Variants in IL36G observed in about 807,000 individuals in gnomAD.
IL36G encodes interleukin 36 gamma, also known as interleukin-36 gamma.
A neutral mutation model predicts 13.5 loss-of-function variants in IL36G; 10 were observed. The observed-to-expected ratio is 0.74, with a 90% CI of 0.46 to 1.26. IL36G has a LOEUF of 1.26. IL36G is among the 50% of genes most tolerant of loss of function. The pLI, the probability that IL36G is intolerant of heterozygous loss-of-function variation, is 0.00. For missense variants in IL36G, 199 were observed against 203.0 expected, an observed-to-expected ratio of 0.98 and a Z score of 0.12; for synonymous variants, 84 against 74.0, an observed-to-expected ratio of 1.13 and a Z score of -0.69.
Position 112,984,986 on chromosome 2 carries a change from C to A in IL36G, c.447C>A (p.Ile149=). 1.9e-6 allele frequency: 3 copies of A among 1,614,120 alleles called. No individual in the cohort carries two copies. The highest frequency in any genetic ancestry group is 1.6e-4 in the Middle Eastern group (1 of 6,062). The part of the protein sequence containing the change: ...FIASSKRDQP[I]ILTSELGKSY... ...CCTCCTCCAAGAGAGACCAGCCCAT[C>A]ATTCTGACTTCAGAACTTGGGAAGT... The change falls in exon 5 of 5, where the codon ATC becomes ATA. Residue 149 remains isoleucine, a synonymous_variant. Transcript: ENST00000259205.
Position 112,979,312 on chromosome 2 carries a change from C to T in IL36G, c.147C>T (p.Asp49=). 1.2e-6 allele frequency: 2 copies of T among 1,606,326 alleles called. No homozygotes were observed. The highest frequency in any genetic ancestry group is 1.7e-6 in the Non-Finnish European group (2 of 1,172,834). ...GQNLVAVPRS[D]SVTPVTVAVI... is the part of the protein sequence containing the mutation. The stretch of plus-strand genomic sequence containing the variant: ...ACCTTGTGGCAGTTCCACGAAGTGA[C>T]AGTGTGACCCCAGGTGAGTGGTCAC... Residue 49 remains aspartate (D), a synonymous_variant, in exon 3 of 5, where the codon GAC becomes GAT. Coordinates refer to ENST00000259205, the MANE Select transcript of IL36G (RefSeq NM_019618.4).
At chr2:112,983,406 C>T (rs535549720) in intron 4 of IL36G, among the ~76,000 whole-genome samples, 3 of 152,174 alleles carry the variant, frequency 2.0e-5, no homozygotes, top group South Asian at 2.1e-4. Context: ...GCAGTTGGTA[C>T]TAATGAAGAA....
intron 4 of IL36G, among the ~76,000 whole-genome samples, chr2:112,982,022 G>A (rs868160251): frequency 6.6e-6 from 1 of 152,312 alleles, no homozygotes. Context: ...GCACAGAATG[G>A]CAAAGAACCC....
rs754884422 is a variant in IL36G at position 112,978,711 on chromosome 2, G to A, written c.55+18G>A. The stretch of plus-strand genomic sequence containing the variant: ...TCAATCAAGTGAATCAAATGCTGTT[G>A]GGATGGGGCTCTGGAGGCTTAGGCC... On this transcript the variant is annotated intron_variant, in intron 2 of 4. Transcript: ENST00000259205. 3 of 1,613,422 alleles carry A rather than the reference G, an allele frequency of 1.9e-6. No individual in the cohort carries two copies. The highest frequency in any genetic ancestry group is 2.2e-5 in the East Asian group (1 of 44,878).
rs752243444 is a variant in IL36G, at chr2:112,980,773, T to C, written c.300+625T>C. ...TGATTGAGGGCCAGGTCCCAACAGA[T>C]GTCTGGCTTAAAGGAGTTAAATCTA... On this transcript the variant is annotated intron_variant, in intron 4 of 4. Transcript: ENST00000259205. Among the ~76,000 whole-genome samples the C allele has an allele frequency of 2.6e-4, 39 of 152,308 alleles. 1 individual carries two copies. Among genetic ancestry groups the C allele is most frequent in the South Asian group, 4.1e-4 (2 of 4,826 alleles).
chr2:112,979,793 T>C (rs1305194073), intron 3 of IL36G, among the ~76,000 whole-genome samples: 1 of 152,268 alleles, frequency 6.6e-6, no homozygotes, highest in Non-Finnish European at 1.5e-5. Context: ...TCTGCTTAGC[T>C]CTCTGTGTTT....
At chr2:112,983,050 C>T (rs199618756) in intron 4 of IL36G, among the ~76,000 whole-genome samples, 12 of 152,128 alleles carry the variant, frequency 7.9e-5, no homozygotes, top group East Asian at 1.9e-4. Flanking sequence ...GCAGGGAGAA[C>T]GGCTAGAGGG....
intron 2 of IL36G, 44 bp downstream of exon 2, chr2:112,978,737 C>T (rs367945118): frequency 2.5e-6 from 4 of 1,575,458 alleles, no homozygotes; most frequent in African/African-American, 1.3e-5. Context: ...GGCTTAGGCC[C>T]TCTGCACTCA....
intron 4 of IL36G, among the ~76,000 whole-genome samples, chr2:112,982,748 T>G (rs1198240764): frequency 6.6e-6 from 1 of 152,178 alleles, no homozygotes. Context: ...GGACTAAGAA[T>G]TGACTGTTGC....
Position 112,985,044 on chromosome 2 carries a change from G to T in IL36G, c.505G>T (p.Asp169Tyr). Residue 169 changes from aspartate (D) to tyrosine (Y), a missense_variant, in exon 5 of 5, where the codon GAC (aspartate) becomes TAC (tyrosine). Asp to Tyr is a radical substitution (Grantham distance 160). Transcript: ENST00000259205. Reference protein sequence around the residue: ...YNTAFELNIND With the variant: ...YNTAFELNINY ...CACTGCCTTTGAATTAAATATAAATGACTGAACTCAGCCTAGAGGTGGCAG... is the reference window on the plus strand; with the variant it reads ...CACTGCCTTTGAATTAAATATAAATTACTGAACTCAGCCTAGAGGTGGCAG... 2 of 1,611,508 alleles carry T rather than the reference G, an allele frequency of 1.2e-6. No homozygotes were observed. Among genetic ancestry groups the T allele is most frequent in the South Asian group, 2.2e-5 (2 of 90,970 alleles).
At chr2:112,978,544 G>T in intron 1 of IL36G, 76 bp from the exon 2 acceptor site, 2 of 1,144,730 alleles carry the variant, frequency 1.7e-6, no homozygotes, top group Non-Finnish European at 2.6e-6. Flanking sequence ...CTAGAATGAG[G>T]GCCTGTGGAG....
At chr2:112,984,257 A>C (rs781129086) in intron 4 of IL36G, among the ~76,000 whole-genome samples, 2 of 152,240 alleles carry the variant, frequency 1.3e-5, no homozygotes, top group African/African-American at 2.4e-5. Flanking sequence ...GTACATACAA[A>C]TATATAGACA....
At chr2:112,983,041 C>T (rs140786348) in intron 4 of IL36G, among the ~76,000 whole-genome samples, 1 of 152,228 alleles carries the variant, frequency 6.6e-6, no homozygotes, top group Non-Finnish European at 1.5e-5. Context: ...CACAAGAGAG[C>T]AGGGAGAACG....
intron 4 of IL36G, among the ~76,000 whole-genome samples, chr2:112,982,326 G>C (rs923718071): frequency 1.4e-4 from 21 of 152,246 alleles, no homozygotes; most frequent in African/African-American, 5.1e-4. Context: ...GTGAGGACCG[G>C]TGTGCAGGAG....
intron 4 of IL36G, among the ~76,000 whole-genome samples, chr2:112,984,217 A>C (rs1435767193): frequency 6.6e-6 from 1 of 152,236 alleles, no homozygotes; most frequent in Non-Finnish European, 1.5e-5. Flanking sequence ...TTACTTAGAA[A>C]TACTTATTTT....
chr2:112,983,261 C>G (rs550501758), intron 4 of IL36G, among the ~76,000 whole-genome samples: 220 of 152,194 alleles, frequency 1.4e-3, no homozygotes, highest in African/African-American at 5.0e-3. Flanking sequence ...AAGGAGGAAG[C>G]ATTCTTCCAT....
chr2:112,980,431 A>G (rs1031952867), intron 4 of IL36G, among the ~76,000 whole-genome samples: 1 of 152,130 alleles, frequency 6.6e-6, no homozygotes, highest in African/African-American at 2.4e-5. Flanking sequence ...ATGGGCAGAC[A>G]ATTGTTAAGA....
At chr2:112,982,182 G>A (rs1047796139) in intron 4 of IL36G, among the ~76,000 whole-genome samples, 1 of 152,202 alleles carries the variant, frequency 6.6e-6, no homozygotes, top group Non-Finnish European at 1.5e-5. Flanking sequence ...GCAGTACCAG[G>A]AACACAGGCG....
At chr2:112,981,196 TG>T (rs1684255163) in intron 4 of IL36G, 11 of 1,242,780 alleles carry the variant, frequency 8.9e-6, no homozygotes, top group Non-Finnish European at 1.3e-5. Flanking sequence ...CAGCTTTCTG[TG>T]CCTTCCCTGT....
Sources: gnomAD v4.1 joint callset for allele counts (sites outside exome capture counted in the v4.1 genomes callset) on GRCh38, gnomAD v4.1.1 for gene constraint, MANE v1.5 for transcripts, NCBI Gene and HGNC (gene_info 2026-07-23, HGNC 2026-07-21) for gene names.